The following FRMPD3 variants were observed in gnomAD, a reference collection of about 807,000 sequenced individuals.
FRMPD3 encodes the protein FERM and PDZ domain containing 3.
FRMPD3 carries 42 observed loss-of-function variants against 97.9 expected under a neutral mutation model. That is an observed-to-expected ratio of 0.43 (90% CI 0.34 to 0.55). The LOEUF is 0.55. Among genes scored for constraint, FRMPD3 ranks in the 20% least tolerant of loss-of-function variants. The pLI is 0.03. For missense variants in FRMPD3, 1,303 were observed against 1,457.7 expected (o/e 0.89, Z 1.73); for synonymous variants, 577 against 581.1 (o/e 0.99, Z 0.10).
intron 1 of FRMPD3, chrX:107,522,377 A>G: frequency 1.8e-6 from 1 of 552,992 alleles, no homozygotes; most frequent in Non-Finnish European, 3.3e-6. Flanking sequence ...CAGGTTAATT[A>G]TGATGTGGGC....
In FRMPD3 at chrX:107,602,262, T is replaced by C. The variant is rs778402191; in HGVS notation, c.4223T>C (p.Leu1408Pro). Residue 1408 changes from leucine to proline, a missense_variant, in exon 15 of 15, where the codon CTG becomes CCG. Transcript: ENST00000683843. ...SELDQGDRAS[L>P]TSDVYPHPPL... ...CTGGACCAGGGTGACAGGGCCTCGC[T>C]GACCTCGGATGTCTACCCACATCCT... 1 of 1,207,920 alleles carries C rather than the reference T, an allele frequency of 8.3e-7. No homozygotes were observed. Among genetic ancestry groups the C allele is most frequent in the East Asian group, 3.0e-5 (1 of 33,761 alleles).
At chrX:107,495,695 C>G (rs1921758752) in intron 1 of FRMPD3, among the ~76,000 whole-genome samples, 1 of 111,904 alleles carries the variant, frequency 8.9e-6, no homozygotes, top group Non-Finnish European at 1.9e-5. Context: ...GGTGGGCATA[C>G]TGTATGCACA....
chrX:107,603,815 T>A lies in FRMPD3; in HGVS notation c.*442T>A, dbSNP rs753657943. 11 of 125,291 alleles carry A rather than the reference T, an allele frequency of 8.8e-5. No individual in the cohort carries two copies. The South Asian group carries it at 3.2e-3, about 37-fold the overall frequency. The allele number at this position is 125,291 out of a possible 1,213,427, so 10.3% of individuals were successfully genotyped here. A position where few individuals can be genotyped will look rare whatever the true frequency, so the allele number is the denominator to read the frequency against. ...GCAGTGGCAGTAGCAGCAGGCCACA[T>A]TGCCGTGCCGAGGGGAGAGGGCGCT... On this transcript the variant is annotated 3_prime_UTR_variant, in exon 15 of 15. Transcript: ENST00000683843.
intron 1 of FRMPD3, among the ~76,000 whole-genome samples, chrX:107,488,232 T>C (rs1200282482): frequency 1.8e-5 from 2 of 112,094 alleles, no homozygotes; most frequent in Non-Finnish European, 3.8e-5. Flanking sequence ...TGCCAGCTGG[T>C]AAGATGATTG....
At chrX:107,585,394 A>G (rs1357634907) in intron 13 of FRMPD3, among the ~76,000 whole-genome samples, 1 of 111,655 alleles carries the variant, frequency 9.0e-6, no homozygotes, top group Non-Finnish European at 1.9e-5. Context: ...GCAAACAGAG[A>G]CAATTTGACT....
At chrX:107,568,232 T>C (rs990293199) in intron 12 of FRMPD3, among the ~76,000 whole-genome samples, 2 of 110,186 alleles carry the variant, frequency 1.8e-5, no homozygotes, top group African/African-American at 6.6e-5. Context: ...TTTTATTTTA[T>C]TTTATTATTA....
intron 13 of FRMPD3, among the ~76,000 whole-genome samples, chrX:107,594,556 G>A (rs191138184): frequency 1.5e-4 from 17 of 111,929 alleles, no homozygotes; most frequent in African/African-American, 5.2e-4. Context: ...CTTTTTTAAC[G>A]TAGGCACTTT....
intron 10 of FRMPD3, 109 bp from the exon 11 acceptor site, chrX:107,563,002 T>C (rs773122186): frequency 4.5e-5 from 25 of 551,172 alleles, no homozygotes; most frequent in Non-Finnish European, 7.3e-5. Context: ...ACAGTGTCAC[T>C]TGCTGACTGG....
Position 107,517,602 on chromosome X carries a change from A to G in FRMPD3, c.-7-8980A>G, listed in dbSNP as rs1051472341. 6.4e-5 allele frequency among the ~76,000 whole-genome samples: 7 copies of G among 109,813 alleles called. No homozygotes were observed. In the Admixed American group the frequency reaches 6.8e-4, roughly 11 times the overall value. On this transcript the variant is annotated intron_variant, in intron 1 of 14. Coordinates refer to ENST00000683843, the MANE Select transcript of FRMPD3 (RefSeq NM_001388459.1). Reference sequence around the variant, plus strand: ...TGGCAAAACCTTGTCTCTACTAAAAAGTACAAAAAATGGCCAGGTGTGGTG... The same window carrying G: ...TGGCAAAACCTTGTCTCTACTAAAAGGTACAAAAAATGGCCAGGTGTGGTG...
chrX:107,483,418 T>C (rs1228291566), intron 1 of FRMPD3, among the ~76,000 whole-genome samples: 1 of 112,394 alleles, frequency 8.9e-6, no homozygotes, highest in Non-Finnish European at 1.9e-5. Flanking sequence ...GGCTCCTAAC[T>C]TCCCCCACTG....
chrX:107,603,412 C>T lies in FRMPD3; in HGVS notation c.*39C>T, dbSNP rs1924659257. ...ACCTGTCCCCCTTCCCCAACCATGG[C>T]CCCAGGTTTGAGCTTTGTGGTCCTT... On this transcript the variant is annotated 3_prime_UTR_variant, in exon 15 of 15. Transcript: ENST00000683843. The T allele has an allele frequency of 8.9e-7, 1 of 1,121,584 alleles. No individual in the cohort carries two copies. Among genetic ancestry groups the T allele is most frequent in the Non-Finnish European group, 1.2e-6 (1 of 850,013 alleles). 92.4% of individuals were successfully genotyped at this position (1,121,584 alleles called of 1,213,427 possible).
At position 107,603,218 on chromosome X, in the gene FRMPD3, C is replaced by T; in HGVS notation, c.5179C>T (p.Gln1727Ter). The change falls in exon 15 of 15, where the codon CAG becomes TAG. Residue 1727 changes from glutamine (Q) to a stop codon, truncating the protein, a stop_gained. Transcript: ENST00000683843. LOFTEE classifies it high-confidence loss of function. ...GCAGCAGCAACAACAACAGCAGCAG[C>T]AGCAACAACAACAGCAGCAGCAACA... ...QQQQQQQQQQQQQQQQQQQQQ... is the reference protein window; with the variant it reads ...QQQQQQQQQQ 1 of 1,170,611 alleles carries T rather than the reference C, an allele frequency of 8.5e-7. No individual in the cohort carries two copies. The highest frequency in any genetic ancestry group is 1.1e-6 in the Non-Finnish European group (1 of 874,452).
Position 107,600,736 on chromosome X carries a change from G to A in FRMPD3, c.2697G>A (p.Glu899=), listed in dbSNP as rs1173063027. 1.7e-6 allele frequency: 2 copies of A among 1,201,730 alleles called. No individual in the cohort carries two copies. The highest frequency in any genetic ancestry group is 2.2e-6 in the Non-Finnish European group (2 of 891,282). ...TGAGTCTGCTGTCCCCAGTTCCTGAGGACAAAGGGCCTGGCCACACTAGGG... is the reference window on the plus strand; with the variant it reads ...TGAGTCTGCTGTCCCCAGTTCCTGAAGACAAAGGGCCTGGCCACACTAGGG... The part of the protein sequence containing the change: ...KNLSLLSPVP[E]DKGPGHTRAG... Residue 899 remains glutamate (E), a synonymous_variant, in exon 15 of 15, where the codon GAG becomes GAA. Coordinates refer to ENST00000683843, the MANE Select transcript of FRMPD3 (RefSeq NM_001388459.1).
chrX:107,603,556 C>T lies in FRMPD3; in HGVS notation c.*183C>T. 1.1e-6 allele frequency: 1 copy of T among 945,069 alleles called. No individual in the cohort carries two copies. Among genetic ancestry groups the T allele is most frequent in the Non-Finnish European group, 1.4e-6 (1 of 720,338 alleles). 77.9% of individuals were successfully genotyped at this position (945,069 alleles called of 1,213,427 possible). ...TCTCTCTTAAGGGCTGCAGGCTTAG[C>T]TGCCGCCCTGGGTGTCCTCACCCCT... On this transcript the variant is annotated 3_prime_UTR_variant, in exon 15 of 15. Transcript: ENST00000683843.
chrX:107,461,294 T>C (rs2147888035), intron 1 of FRMPD3, among the ~76,000 whole-genome samples: 1 of 111,475 alleles, frequency 9.0e-6, no homozygotes, highest in South Asian at 3.9e-4. Context: ...TCTCCAACCT[T>C]ACCCTCCACG....
chrX:107,570,530 G>T (rs1422037692), intron 12 of FRMPD3, among the ~76,000 whole-genome samples: 1 of 111,019 alleles, frequency 9.0e-6, no homozygotes, highest in African/African-American at 3.3e-5. Flanking sequence ...GGGGGGTTGG[G>T]GCCCAGGGGT....
In FRMPD3 at chrX:107,480,891, GGAAGGAAAGAAAGAAAGAAAGAAA is replaced by G. The variant is rs1221832909; in HGVS notation, c.-8+30890_-8+30913del. On this transcript the variant is annotated intron_variant, in intron 1 of 14. Coordinates refer to ENST00000683843, the MANE Select transcript of FRMPD3 (RefSeq NM_001388459.1). ...AGAAAGGAAGGAAGGAAGGAAGGAAGGAAGGAAAGAAAGAAAGAAAGAAAGAAAGAAAGAAAGAAAGAAAGAAAG... is the reference window on the plus strand; with the variant it reads ...AGAAAGGAAGGAAGGAAGGAAGGAAGGAAAGAAAGAAAGAAAGAAAGAAAG... Among the ~76,000 whole-genome samples the G allele has an allele frequency of 2.6e-3, 175 of 68,060 alleles. 1 individual carries two copies. The highest frequency in any genetic ancestry group is 8.0e-3 in the African/African-American group (141 of 17,558). The allele number at this position is 68,060 out of a possible 115,157, so 59.1% of individuals were successfully genotyped here.
chrX:107,475,790 T>A (rs1356825167), intron 1 of FRMPD3, among the ~76,000 whole-genome samples: 2 of 112,603 alleles, frequency 1.8e-5, no homozygotes, highest in African/African-American at 6.5e-5. Flanking sequence ...CCACTTTGAG[T>A]GCAGCCGCAT....
chrX:107,522,612 A>T (rs1373587570), intron 1 of FRMPD3: 2 of 421,195 alleles, frequency 4.7e-6, no homozygotes, highest in African/African-American at 5.0e-5. Context: ...GAAGGCTGGG[A>T]TGGAGGAGGA....
Sources: allele counts gnomAD v4.1 joint callset (sites outside exome capture counted in the v4.1 genomes callset), GRCh38; gene constraint gnomAD v4.1.1; transcripts MANE v1.5; gene names NCBI Gene and HGNC (gene_info 2026-07-23, HGNC 2026-07-21).